Variants in ZNF609 observed in about 807,000 individuals in gnomAD.
ZNF609 encodes zinc finger protein 609.
Under a neutral mutation model 109.5 loss-of-function variants are expected in ZNF609, and 11 were observed. The observed-to-expected ratio is 0.10, with a 90% CI of 0.06 to 0.17. The LOEUF (loss-of-function observed/expected upper bound fraction) is 0.17. Among genes scored for constraint, ZNF609 ranks in the 10% least tolerant of loss-of-function variants. The pLI, the probability that ZNF609 is intolerant of heterozygous loss-of-function variation, is 1.00. For synonymous variants in ZNF609, 646 were observed against 662.0 expected, an observed-to-expected ratio of 0.98 and a Z score of 0.37; for missense variants, 1,559 against 1,772.4, an observed-to-expected ratio of 0.88 and a Z score of 2.16.
chr15:64,644,165 T>G (rs1029618019), intron 3 of ZNF609, among the ~76,000 whole-genome samples: 1 of 152,058 alleles, frequency 6.6e-6, no homozygotes, highest in Non-Finnish European at 1.5e-5. Context: ...CAACAACATC[T>G]TGTCCAAGAC....
intron 6 of ZNF609, among the ~76,000 whole-genome samples, 167 bp downstream of exon 6, chr15:64,678,649 T>C (rs1896840447): frequency 6.6e-6 from 1 of 152,180 alleles, no homozygotes; most frequent in African/African-American, 2.4e-5. Context: ...TAACCCATAG[T>C]TCCTTGAATG....
chr15:64,513,878 G>A (rs1893768985), intron 2 of ZNF609, among the ~76,000 whole-genome samples: 1 of 152,034 alleles, frequency 6.6e-6, no homozygotes, highest in South Asian at 2.1e-4. Context: ...GACTGCTTGA[G>A]CTTAGAAGTT....
At chr15:64,626,705 C>T (rs1303933330) in intron 3 of ZNF609, among the ~76,000 whole-genome samples, 4 of 152,244 alleles carry the variant, frequency 2.6e-5, no homozygotes, top group Admixed American at 6.5e-5. Context: ...TCTTTCTTTC[C>T]TCTTCTCTCC....
chr15:64,629,295 A>G (rs968269101), intron 3 of ZNF609, among the ~76,000 whole-genome samples: 3 of 152,128 alleles, frequency 2.0e-5, no homozygotes, highest in Non-Finnish European at 4.4e-5. Flanking sequence ...TATCCACAAT[A>G]TATTTTTTCA....
intron 5 of ZNF609, 52 bp from the exon 6 acceptor site, chr15:64,678,064 T>C: frequency 6.4e-7 from 1 of 1,564,876 alleles, no homozygotes. Context: ...GGGCTTGAAG[T>C]ATATCTGTCT....
At chr15:64,525,361 G>A (rs1893954999) in intron 2 of ZNF609, among the ~76,000 whole-genome samples, 1 of 152,066 alleles carries the variant, frequency 6.6e-6, no homozygotes, top group South Asian at 2.1e-4. Flanking sequence ...GAATTTTCTT[G>A]ACACCCTTGT....
chr15:64,611,889 T>G (rs1363539945), intron 2 of ZNF609, among the ~76,000 whole-genome samples: 1 of 149,080 alleles, frequency 6.7e-6, no homozygotes, highest in Non-Finnish European at 1.5e-5. Flanking sequence ...CCCGCCACCA[T>G]GCCCGGCTAA....
At chr15:64,644,883 C>T (rs1896307280) in intron 3 of ZNF609, among the ~76,000 whole-genome samples, 2 of 152,154 alleles carry the variant, frequency 1.3e-5, no homozygotes, top group South Asian at 4.1e-4. Context: ...GTTAGCTACC[C>T]TTACTGTGCT....
At chr15:64,541,020 T>C in intron 2 of ZNF609, among the ~76,000 whole-genome samples, 1 of 126,352 alleles carries the variant, frequency 7.9e-6, no homozygotes. Flanking sequence ...AGAGTAAGAC[T>C]CTGTCTCAAA....
chr15:64,520,186 A>G (rs145925309), intron 2 of ZNF609, among the ~76,000 whole-genome samples: 2 of 152,256 alleles, frequency 1.3e-5, no homozygotes, highest in South Asian at 2.1e-4. Context: ...CTGGGTTGCT[A>G]TAACCAGGAT....
chr15:64,660,984 G>A (rs552047616), intron 3 of ZNF609, among the ~76,000 whole-genome samples: 2 of 152,128 alleles, frequency 1.3e-5, no homozygotes, highest in South Asian at 4.2e-4. Flanking sequence ...TTGAGACCGG[G>A]TTTCACTCCC....
intron 2 of ZNF609, among the ~76,000 whole-genome samples, chr15:64,564,279 ATGTATCCTCCAAGGTTAAGGGTAGGGG>A (rs1894739093): frequency 6.6e-6 from 1 of 152,104 alleles, no homozygotes; most frequent in Non-Finnish European, 1.5e-5. Context: ...GGGTCTTGGA[ATGTATCCTCCAAGGTTAAGGGTAGGGG>A]GGACTACTGT....
intron 7 of ZNF609, 28 bp from the exon 8 acceptor site, chr15:64,680,618 G>A: frequency 5.8e-6 from 9 of 1,544,526 alleles, no homozygotes; most frequent in Non-Finnish European, 7.9e-6. Flanking sequence ...TCACTATAGT[G>A]CTTTTGTGTC....
chr15:64,657,628 C>T (rs1160715935), intron 3 of ZNF609, among the ~76,000 whole-genome samples: 1 of 151,966 alleles, frequency 6.6e-6, no homozygotes. Context: ...AAAACAGCAG[C>T]GTTTGAGGTA....
intron 2 of ZNF609, among the ~76,000 whole-genome samples, chr15:64,603,378 C>A (rs1034758028): frequency 1.3e-5 from 2 of 150,992 alleles, no homozygotes; most frequent in African/African-American, 4.9e-5. Context: ...TCAAGCAATT[C>A]TTCTGCCTCA....
chr15:64,588,773 G>T (rs1895245829), intron 2 of ZNF609, among the ~76,000 whole-genome samples: 1 of 151,874 alleles, frequency 6.6e-6, no homozygotes, highest in African/African-American at 2.4e-5. Flanking sequence ...CAAGTAGCTG[G>T]GATTACAGGC....
At chr15:64,669,358 T>C (rs1413978547) in intron 3 of ZNF609, among the ~76,000 whole-genome samples, 1 of 152,244 alleles carries the variant, frequency 6.6e-6, no homozygotes, top group African/African-American at 2.4e-5. Context: ...GAAGTAGTTC[T>C]CTGTCTACAC....
At chr15:64,487,361 A>G (rs1390350622) in intron 1 of ZNF609, among the ~76,000 whole-genome samples, 5 of 152,284 alleles carry the variant, frequency 3.3e-5, no homozygotes, top group Admixed American at 6.5e-5. Context: ...TCTCTTGTTC[A>G]TAGGTATTTA....
At chr15:64,593,578 G>A (rs969945619) in intron 2 of ZNF609, among the ~76,000 whole-genome samples, 2 of 152,120 alleles carry the variant, frequency 1.3e-5, no homozygotes, top group African/African-American at 4.8e-5. Context: ...CCAGGCTGGA[G>A]TGCAGTGGTG....
Sources: allele counts gnomAD v4.1 joint callset (sites outside exome capture counted in the v4.1 genomes callset), GRCh38; gene constraint gnomAD v4.1.1; transcripts MANE v1.5; gene names NCBI Gene and HGNC (gene_info 2026-07-23, HGNC 2026-07-21).